Variants in ODAD2 observed in about 807,000 individuals in gnomAD.
ODAD2 encodes the protein outer dynein arm docking complex subunit 2.
In ODAD2, 89 loss-of-function variants were observed where a neutral mutation model predicts 106.8. The ratio of observed to expected loss-of-function variants is 0.83; its 90% CI spans 0.70 to 0.99. The LOEUF is 0.99. Ranked by LOEUF, ODAD2 falls within the 50% of genes least tolerant of loss-of-function variation. The pLI is 0.00. For synonymous variants in ODAD2, 404 were observed against 436.2 expected (o/e 0.93, Z 0.92); for missense variants, 1,168 against 1,238.5 (o/e 0.94, Z 0.85).
rs144624359 is a variant in ODAD2 at position 27,958,876 on chromosome 10, T to C, written c.1386+2692A>G. ...GTAAGCGGCAGAATTTCAACTCAACTGGTCTTTCCAACGTCAAAGATCATG... is the reference window on the plus strand; with the variant it reads ...GTAAGCGGCAGAATTTCAACTCAACCGGTCTTTCCAACGTCAAAGATCATG... On this transcript the variant is annotated intron_variant, in intron 10 of 19. Coordinates refer to ENST00000305242, the MANE Select transcript of ODAD2 (RefSeq NM_018076.5). The C allele has an allele frequency of 1.6e-4, 212 of 1,303,996 alleles. 2 individuals carry two copies. In the East Asian group the frequency reaches 9.2e-3, roughly 57 times the overall value. The allele number at this position is 1,303,996 out of a possible 1,614,324, so 80.8% of individuals were successfully genotyped here.
intron 3 of ODAD2, among the ~76,000 whole-genome samples, chr10:27,985,664 G>C (rs1436094293): frequency 6.6e-6 from 1 of 152,062 alleles, no homozygotes; most frequent in African/African-American, 2.4e-5. Context: ...TTCCAAAATA[G>C]CATGCTTTCC....
chr10:27,835,148 T>C (rs1837772447), intron 19 of ODAD2, among the ~76,000 whole-genome samples: 1 of 152,202 alleles, frequency 6.6e-6, no homozygotes, highest in Non-Finnish European at 1.5e-5. Flanking sequence ...CAGCAGGCCC[T>C]TGGAGGAGCG....
chr10:27,846,479 C>T lies in ODAD2; in HGVS notation c.3021+14146G>A, dbSNP rs902408955. On this transcript the variant is annotated intron_variant, in intron 19 of 19. Transcript: ENST00000305242. Reference sequence around the variant, plus strand: ...GCCCACAAGAGAAAGCAGGAAAGATCTAAAATTGACACCCTAACATCACAA... The same window carrying T: ...GCCCACAAGAGAAAGCAGGAAAGATTTAAAATTGACACCCTAACATCACAA... Among the ~76,000 whole-genome samples, 9 of 151,710 alleles carry T rather than the reference C, an allele frequency of 5.9e-5. No homozygotes were observed. In the South Asian group the frequency reaches 1.3e-3, roughly 21 times the overall value.
chr10:27,870,578 C>T (rs1840792649), intron 17 of ODAD2, among the ~76,000 whole-genome samples: 1 of 152,000 alleles, frequency 6.6e-6, no homozygotes, highest in Admixed American at 6.6e-5. Context: ...TTGTTCACTT[C>T]CCACCTATGA....
chr10:27,969,702 C>T (rs1040089479), intron 8 of ODAD2, among the ~76,000 whole-genome samples: 2 of 152,196 alleles, frequency 1.3e-5, no homozygotes, highest in African/African-American at 2.4e-5. Flanking sequence ...TTCCCAGAAT[C>T]CCTGCAGGAG....
In ODAD2 at chr10:27,940,639, A is replaced by G; in HGVS notation, c.1910T>C (p.Leu637Ser). ...AIRKAGGIPL[L>S]ARLLKTSHEN... Reference sequence around the variant, plus strand: ...ATGAGAAGTCTTCAGCAGCCGAGCCAACAGAGGAATGCCCCCAGCTTTGCG... The same window carrying G: ...ATGAGAAGTCTTCAGCAGCCGAGCCGACAGAGGAATGCCCCCAGCTTTGCG... The change falls in exon 13 of 20, where the codon TTG becomes TCG. Residue 637 changes from leucine to serine, a missense_variant. Physicochemically the swap from Leu to Ser is moderately radical, Grantham distance 145. Transcript: ENST00000305242. 6.2e-7 allele frequency: 1 copy of G among 1,614,146 alleles called. No individual in the cohort carries two copies. The highest frequency in any genetic ancestry group is 8.5e-7 in the Non-Finnish European group (1 of 1,180,002).
At chr10:27,830,806 T>C (rs1837417428) in intron 19 of ODAD2, among the ~76,000 whole-genome samples, 1 of 152,244 alleles carries the variant, frequency 6.6e-6, no homozygotes, top group African/African-American at 2.4e-5. Flanking sequence ...AATATCAGTT[T>C]GGATCTGGGG....
chr10:27,944,857 C>G lies in ODAD2; in HGVS notation c.1492G>C (p.Val498Leu). The change falls in exon 11 of 20, where the codon GTG (valine) becomes CTG (leucine). Residue 498 changes from valine (V) to leucine (L), a missense_variant. Val to Leu is a conservative substitution (Grantham distance 32). Coordinates refer to ENST00000305242, the MANE Select transcript of ODAD2 (RefSeq NM_018076.5). ...LAIRDVGGLE[V>L]LINLLETDEV... ...TCGGTTTCAAGCAAATTTATCAGCA[C>G]TTCCAGGCCTCCAACATCTCTGATG... 6.2e-7 allele frequency: 1 copy of G among 1,614,148 alleles called. No homozygotes were observed. The highest frequency in any genetic ancestry group is 8.5e-7 in the Non-Finnish European group (1 of 1,180,010).
intron 17 of ODAD2, among the ~76,000 whole-genome samples, chr10:27,907,268 A>G (rs928800395): frequency 1.3e-5 from 2 of 152,112 alleles, no homozygotes; most frequent in Non-Finnish European, 2.9e-5. Flanking sequence ...GTGCTCTCTC[A>G]CTGCAGGCTG....
At position 27,832,436 on chromosome 10, in the gene ODAD2, G is replaced by C. The variant is rs376138848; in HGVS notation, c.3022-19811C>G. ...TCCAGGAATATGTCACATGCTGCTAGCTGACTACTTTCTCTCTTGTCCCTT... is the reference window on the plus strand; with the variant it reads ...TCCAGGAATATGTCACATGCTGCTACCTGACTACTTTCTCTCTTGTCCCTT... On this transcript the variant is annotated intron_variant, in intron 19 of 19. Coordinates refer to ENST00000305242, the MANE Select transcript of ODAD2 (RefSeq NM_018076.5). Among the ~76,000 whole-genome samples, 15 of 152,174 alleles carry C rather than the reference G, an allele frequency of 9.9e-5. 1 individual carries two copies. Among genetic ancestry groups the C allele is most frequent in the African/African-American group, 3.4e-4 (14 of 41,506 alleles).
chr10:27,845,451 C>T (rs1838663545), intron 19 of ODAD2, among the ~76,000 whole-genome samples: 1 of 152,170 alleles, frequency 6.6e-6, no homozygotes, highest in South Asian at 2.1e-4. Flanking sequence ...CAGCTGGTAC[C>T]AGCCACTGCA....
rs897094604 is a variant in ODAD2, at chr10:27,903,147, A to G, written c.2610+4516T>C. On this transcript the variant is annotated intron_variant, in intron 17 of 19. Coordinates refer to ENST00000305242, the MANE Select transcript of ODAD2 (RefSeq NM_018076.5). ...CTGGGATGCAAGGCTGGTTCAACAT[A>G]TGCAAATCAATAAACGTAATCCATC... Among the ~76,000 whole-genome samples, 138 of 152,228 alleles carry G rather than the reference A, an allele frequency of 9.1e-4. 1 individual carries two copies. The highest frequency in any genetic ancestry group is 8.8e-5 in the Non-Finnish European group (6 of 68,046).
In ODAD2 at chr10:27,985,116, C is replaced by G. The variant is rs750563454; in HGVS notation, c.478G>C (p.Asp160His). The G allele has an allele frequency of 6.2e-7, 1 of 1,602,090 alleles. No homozygotes were observed. The highest frequency in any genetic ancestry group is 1.1e-5 in the South Asian group (1 of 89,664). ...TTAATTTCACTTTCAGGATCATCAT[C>G]TCTGGTAATTTTGCCAAGAATATTT... ...ALNILGKITR[D>H]DDPESEIKMK... Residue 160 changes from aspartate (D) to histidine (H), a missense_variant, in exon 4 of 20, where the codon GAT becomes CAT. Around this residue, in one of 3 missense-constraint regions of ODAD2, gnomAD observed 430 missense variants for 452.2 expected, o/e 0.95. Transcript: ENST00000305242.
chr10:27,908,831 G>A (rs1004699617), intron 16 of ODAD2, among the ~76,000 whole-genome samples: 1 of 151,832 alleles, frequency 6.6e-6, no homozygotes, highest in East Asian at 1.9e-4. Context: ...AATTGGTGAC[G>A]CTGAAAAAGA....
At chr10:27,875,328 A>G (rs1053940656) in intron 17 of ODAD2, among the ~76,000 whole-genome samples, 11 of 151,956 alleles carry the variant, frequency 7.2e-5, no homozygotes, top group Non-Finnish European at 1.6e-4. Flanking sequence ...GAGAAGTTTG[A>G]TCTTCTGAAG....
chr10:27,994,741 T>A (rs1173825627), intron 2 of ODAD2, among the ~76,000 whole-genome samples, 178 bp downstream of exon 2: 1 of 152,132 alleles, frequency 6.6e-6, no homozygotes, highest in African/African-American at 2.4e-5. Context: ...AGAAAGATAC[T>A]GTGTTGGCCA....
At chr10:27,829,104 A>C (rs1192439296) in intron 19 of ODAD2, among the ~76,000 whole-genome samples, 1 of 152,052 alleles carries the variant, frequency 6.6e-6, no homozygotes, top group Non-Finnish European at 1.5e-5. Context: ...CAGAGAATTA[A>C]AAAGGAAAAA....
chr10:27,910,337 G>A (rs1369641164), intron 16 of ODAD2, among the ~76,000 whole-genome samples: 1 of 152,066 alleles, frequency 6.6e-6, no homozygotes, highest in Non-Finnish European at 1.5e-5. Context: ...ATGGCTTCCC[G>A]TTGCCTTCAT....
At chr10:27,831,022 C>T (rs950084533) in intron 19 of ODAD2, among the ~76,000 whole-genome samples, 3 of 152,118 alleles carry the variant, frequency 2.0e-5, no homozygotes, top group African/African-American at 7.2e-5. Flanking sequence ...ATGTTAAAGG[C>T]ACCATGAGAA....
Sources: allele counts gnomAD v4.1 joint callset (sites outside exome capture counted in the v4.1 genomes callset), GRCh38; gene constraint gnomAD v4.1.1; regional missense constraint gnomAD v4.1.1; transcripts MANE v1.5; gene names NCBI Gene and HGNC (gene_info 2026-07-23, HGNC 2026-07-21).